SYT2: variants seen among roughly 807,000 people sequenced by gnomAD.
SYT2 encodes synaptotagmin-2.
A neutral mutation model predicts 39.9 loss-of-function variants in SYT2; 15 were observed. The observed-to-expected ratio is 0.38, with a 90% confidence interval of 0.25 to 0.58. The LOEUF is 0.58. SYT2 is among the 20% of genes least tolerant of loss of function. The probability of loss-of-function intolerance (pLI) is 0.70; values close to 1 mark genes in which losing one functional copy is unlikely to be tolerated. For missense variants in SYT2, 389 were observed against 530.3 expected, an observed-to-expected ratio of 0.73 and a Z score of 2.62; for synonymous variants, 181 against 204.5, an observed-to-expected ratio of 0.89 and a Z score of 0.98.
rs1457283071 is a variant in SYT2, at chr1:202,623,270, G to A, written c.-17-17481C>T. 6.6e-6 allele frequency among the ~76,000 whole-genome samples: 1 copy of A among 152,234 alleles called. No homozygotes were observed. The highest frequency in any genetic ancestry group is 2.4e-5 in the African/African-American group (1 of 41,464). ...GGAGAGGGAGTTAATACTGCAGCAC[G>A]GCGCACTCTAGCCAAGACGGAGAAG... On this transcript the variant is annotated intron_variant, in intron 1 of 8. Transcript: ENST00000367268. This position sits in a 1 kb window ranked among gnomAD's most constrained non-coding sequence, Gnocchi z 4.2.
intron 1 of SYT2, among the ~76,000 whole-genome samples, chr1:202,705,357 C>A (rs965025263): frequency 2.0e-5 from 3 of 152,242 alleles, no homozygotes; most frequent in African/African-American, 4.8e-5. Flanking sequence ...GAGCAGGAGG[C>A]GCAGGGAGGA....
At chr1:202,607,681 T>C (rs1165723031) in intron 1 of SYT2, among the ~76,000 whole-genome samples, 1 of 152,182 alleles carries the variant, frequency 6.6e-6, no homozygotes, top group East Asian at 1.9e-4. Context: ...CTGTCTGCCA[T>C]GTTGAAATAG....
chr1:202,635,212 C>T (rs949799338), intron 1 of SYT2, among the ~76,000 whole-genome samples: 6 of 152,168 alleles, frequency 3.9e-5, no homozygotes, highest in East Asian at 3.8e-4. Flanking sequence ...TTTGTGTTGT[C>T]GAACTCCTGA....
chr1:202,671,013 G>T (rs768181977), intron 1 of SYT2, among the ~76,000 whole-genome samples: 1 of 152,164 alleles, frequency 6.6e-6, no homozygotes, highest in Non-Finnish European at 1.5e-5. Flanking sequence ...TGATACAGGC[G>T]AGGCCAAAGA....
chr1:202,680,155 T>G (rs1344093810), intron 1 of SYT2, among the ~76,000 whole-genome samples: 1 of 152,230 alleles, frequency 6.6e-6, no homozygotes, highest in Non-Finnish European at 1.5e-5. Flanking sequence ...AGCACAGGCC[T>G]GCACTTAGTT....
chr1:202,693,065 T>A (rs1203903479), intron 1 of SYT2, among the ~76,000 whole-genome samples: 1 of 152,170 alleles, frequency 6.6e-6, no homozygotes, highest in Non-Finnish European at 1.5e-5. Flanking sequence ...CAGTGGTGAT[T>A]ACTGAGATAT....
At chr1:202,709,864 G>A (rs1386617346) in intron 1 of SYT2, among the ~76,000 whole-genome samples, 1 of 152,150 alleles carries the variant, frequency 6.6e-6, no homozygotes, top group Non-Finnish European at 1.5e-5. Context: ...AGACCGCTAG[G>A]GCTGGCGGGG....
At position 202,603,033 on chromosome 1, in the gene SYT2, T is replaced by C. The variant is rs1367462556; in HGVS notation, c.431A>G (p.Gln144Arg). The C allele has an allele frequency of 1.2e-6, 2 of 1,613,296 alleles. No homozygotes were observed. The highest frequency in any genetic ancestry group is 1.3e-5 in the African/African-American group (1 of 74,616). The part of the protein sequence containing the change: ...EKEPENLGKL[Q>R]FSLDYDFQAN... ...CTGAAAATCATAGTCCAGGGAAAAC[T>C]GCAGTTTGCCCAGGTTCTCTGGCTC... The change falls in exon 4 of 9, where the codon CAG becomes CGG. Residue 144 changes from glutamine to arginine, a missense_variant. By Grantham distance (43) the Gln-to-Arg change is conservative. Around this residue, in one of 4 missense-constraint regions of SYT2, gnomAD observed 280 missense variants for 335.6 expected, o/e 0.83. Transcript: ENST00000367268.
At chr1:202,682,593 A>T (rs1329372641) in intron 1 of SYT2, among the ~76,000 whole-genome samples, 1 of 152,140 alleles carries the variant, frequency 6.6e-6, no homozygotes, top group African/African-American at 2.4e-5. Flanking sequence ...TGAAGAACAC[A>T]CCTGGACATA....
At chr1:202,642,618 G>A (rs1455854963) in intron 1 of SYT2, among the ~76,000 whole-genome samples, 3 of 152,200 alleles carry the variant, frequency 2.0e-5, no homozygotes, top group Non-Finnish European at 4.4e-5. Context: ...AGGAAGGGGT[G>A]GAAAATGCAG....
chr1:202,615,110 G>A (rs746363301), intron 1 of SYT2, among the ~76,000 whole-genome samples: 10 of 152,164 alleles, frequency 6.6e-5, no homozygotes, highest in South Asian at 2.1e-4. Context: ...AAAGACAGAC[G>A]GCATTCCCGG....
intron 1 of SYT2, among the ~76,000 whole-genome samples, chr1:202,659,953 G>T (rs1692347653): frequency 6.6e-6 from 1 of 152,200 alleles, no homozygotes; most frequent in Non-Finnish European, 1.5e-5. Flanking sequence ...TCCCAGGCAG[G>T]AGGTACCTCC....
chr1:202,687,738 G>A (rs756976715), intron 1 of SYT2, among the ~76,000 whole-genome samples: 7 of 151,732 alleles, frequency 4.6e-5, no homozygotes, highest in Admixed American at 3.9e-4. Context: ...CAGCATATGC[G>A]GCTCAGACCG....
At chr1:202,654,189 C>T (rs564862459) in intron 1 of SYT2, among the ~76,000 whole-genome samples, 3 of 152,232 alleles carry the variant, frequency 2.0e-5, no homozygotes, top group Non-Finnish European at 4.4e-5. Flanking sequence ...TTTCCCCAAA[C>T]GGTCTTCAGG....
chr1:202,692,162 T>A (rs554012331), intron 1 of SYT2, among the ~76,000 whole-genome samples: 1 of 152,146 alleles, frequency 6.6e-6, no homozygotes, highest in East Asian at 1.9e-4. Flanking sequence ...AGAGCCCAGA[T>A]CTGGTACCCT....
intron 1 of SYT2, among the ~76,000 whole-genome samples, chr1:202,672,162 C>T (rs10920451): frequency 0.54 from 81,780 of 152,166 alleles, 24,216 homozygotes; most frequent in East Asian, 0.79. Context: ...AAACGTGCCA[C>T]ATGATAGTTT....
intron 1 of SYT2, among the ~76,000 whole-genome samples, chr1:202,664,047 C>A (rs1330340859): frequency 6.6e-6 from 1 of 152,194 alleles, no homozygotes; most frequent in Non-Finnish European, 1.5e-5. Flanking sequence ...GCTCTTCTAC[C>A]CTCAAGTCAT....
intron 1 of SYT2, among the ~76,000 whole-genome samples, chr1:202,674,332 C>A (rs2149110331): frequency 6.6e-6 from 1 of 152,208 alleles, no homozygotes; most frequent in East Asian, 1.9e-4. Flanking sequence ...GAACTCCTGA[C>A]CTCAGTTAAT....
intron 1 of SYT2, among the ~76,000 whole-genome samples, chr1:202,678,606 C>A (rs566743615): frequency 2.0e-5 from 3 of 152,266 alleles, no homozygotes; most frequent in African/African-American, 4.8e-5. Flanking sequence ...GGGCTTCCCC[C>A]CTCCCTATAG....
Sources: allele counts gnomAD v4.1 joint callset (sites outside exome capture counted in the v4.1 genomes callset), GRCh38; gene constraint gnomAD v4.1.1; regional missense constraint gnomAD v4.1.1; non-coding constraint Gnocchi (gnomAD v3.1); transcripts MANE v1.5; gene names NCBI Gene and HGNC (gene_info 2026-07-23, HGNC 2026-07-21).